THSD7B: variants seen among roughly 807,000 people sequenced by gnomAD.
THSD7B encodes the protein thrombospondin type-1 domain-containing protein 7B.
THSD7B carries 138 observed loss-of-function variants against 213.6 expected under a neutral mutation model. The ratio of observed to expected loss-of-function variants is 0.65; its 90% CI spans 0.56 to 0.74. THSD7B has a LOEUF of 0.74. Among genes scored for constraint, THSD7B ranks in the 30% least tolerant of loss-of-function variants. The probability of loss-of-function intolerance (pLI) is 0.00; values close to 1 mark genes in which losing one functional copy is unlikely to be tolerated. For synonymous variants in THSD7B, 742 were observed against 687.0 expected, an observed-to-expected ratio of 1.08 and a Z score of -1.25; for missense variants, 1,931 against 1,991.5, an observed-to-expected ratio of 0.97 and a Z score of 0.58.
intron 5 of THSD7B, among the ~76,000 whole-genome samples, chr2:137,152,991 G>A (rs1679847644): frequency 6.6e-6 from 1 of 152,106 alleles, no homozygotes; most frequent in African/African-American, 2.4e-5. Context: ...ATTTAGATCA[G>A]CTCTTGTTCT....
intron 2 of THSD7B, among the ~76,000 whole-genome samples, chr2:137,013,785 C>A (rs1013522787): frequency 3.7e-4 from 57 of 152,254 alleles, no homozygotes; most frequent in African/African-American, 1.3e-3. Flanking sequence ...GACCTGCCTC[C>A]TCTGGGGCAG....
intron 14 of THSD7B, among the ~76,000 whole-genome samples, chr2:137,439,551 A>G (rs1423884234): frequency 6.6e-6 from 1 of 152,116 alleles, no homozygotes; most frequent in African/African-American, 2.4e-5. Flanking sequence ...GGATTAGATA[A>G]TGCACAATCA....
chr2:136,780,354 T>A (rs1460716702), intron 1 of THSD7B, among the ~76,000 whole-genome samples: 1 of 152,154 alleles, frequency 6.6e-6, no homozygotes, highest in African/African-American at 2.4e-5. Context: ...TGTGCCCTCA[T>A]AGCCTAAGCA....
chr2:137,120,636 A>C (rs1295725284), intron 5 of THSD7B, among the ~76,000 whole-genome samples: 1 of 152,142 alleles, frequency 6.6e-6, no homozygotes, highest in Non-Finnish European at 1.5e-5. Context: ...GAACCTACAC[A>C]CTAAGGTAGA....
intron 3 of THSD7B, among the ~76,000 whole-genome samples, chr2:137,068,150 G>C (rs1687414842): frequency 6.6e-6 from 1 of 152,026 alleles, no homozygotes; most frequent in Admixed American, 6.6e-5. Flanking sequence ...ATGGATTTAA[G>C]AAGGGTTATT....
intron 14 of THSD7B, among the ~76,000 whole-genome samples, chr2:137,445,928 T>G (rs1442334800): frequency 6.6e-6 from 1 of 151,700 alleles, no homozygotes; most frequent in Non-Finnish European, 1.5e-5. Flanking sequence ...AAACATTAAA[T>G]AAACTTTAAA....
At chr2:137,485,703 CA>C (rs1173739015) in intron 15 of THSD7B, among the ~76,000 whole-genome samples, 1 of 152,026 alleles carries the variant, frequency 6.6e-6, no homozygotes, top group African/African-American at 2.4e-5. Flanking sequence ...TCAGATTCAC[CA>C]AAGTTGAAAT....
At chr2:137,644,295 G>A (rs1682990319) in intron 21 of THSD7B, among the ~76,000 whole-genome samples, 1 of 152,164 alleles carries the variant, frequency 6.6e-6, no homozygotes, top group East Asian at 1.9e-4. Context: ...CAATAAACAA[G>A]TCTATAGTTA....
At chr2:137,156,682 CT>C (rs1679916469) in intron 5 of THSD7B, among the ~76,000 whole-genome samples, 1 of 152,162 alleles carries the variant, frequency 6.6e-6, no homozygotes, top group South Asian at 2.1e-4. Flanking sequence ...ACACAGTGTC[CT>C]TGACAAACGC....
At chr2:136,961,374 C>G (rs1169565753) in intron 2 of THSD7B, among the ~76,000 whole-genome samples, 1 of 151,608 alleles carries the variant, frequency 6.6e-6, no homozygotes, top group Non-Finnish European at 1.5e-5. Context: ...GCACAACCAC[C>G]ATGCCCGGCT....
chr2:137,342,402 T>G (rs1443177052), intron 12 of THSD7B, among the ~76,000 whole-genome samples: 1 of 151,538 alleles, frequency 6.6e-6, no homozygotes, highest in Non-Finnish European at 1.5e-5. Flanking sequence ...GGGGTTTTTT[T>G]TTTGGTATAT....
intron 12 of THSD7B, among the ~76,000 whole-genome samples, chr2:137,392,343 G>A (rs1466208697): frequency 6.6e-6 from 1 of 152,092 alleles, no homozygotes; most frequent in Non-Finnish European, 1.5e-5. Context: ...CTGTGAGTAG[G>A]ATGTTTAAAT....
In THSD7B at chr2:137,309,513, A is replaced by T. The variant is rs1047065206; in HGVS notation, c.2500+33487A>T. On this transcript the variant is annotated intron_variant, in intron 12 of 27. Transcript: ENST00000409968. ...ATATATATAATTTTATTTATTTTTT[A>T]TTATTATTATACTTTAAGTTTTAGG... 8.3e-5 allele frequency among the ~76,000 whole-genome samples: 12 copies of T among 144,390 alleles called. No homozygotes were observed. In the East Asian group the frequency reaches 2.1e-3, roughly 25 times the overall value. The allele number at this position is 144,390 out of a possible 152,430, so 94.7% of individuals were successfully genotyped here.
chr2:137,405,491 C>T (rs1056069695), intron 12 of THSD7B, 122 bp from the exon 13 acceptor site: 4 of 819,334 alleles, frequency 4.9e-6, no homozygotes, highest in East Asian at 5.6e-5. Context: ...TGTTGAACAC[C>T]GTTTGCACCA....
chr2:137,404,752 G>A (rs967835204), intron 12 of THSD7B, among the ~76,000 whole-genome samples: 1 of 151,768 alleles, frequency 6.6e-6, no homozygotes, highest in African/African-American at 2.4e-5. Context: ...AAGTAACTCA[G>A]GAATGGAAAA....
intron 15 of THSD7B, among the ~76,000 whole-genome samples, chr2:137,502,820 T>A (rs1679741044): frequency 6.6e-6 from 1 of 152,180 alleles, no homozygotes; most frequent in South Asian, 2.1e-4. Flanking sequence ...GGTTTATAGT[T>A]TATAATGTTT....
intron 15 of THSD7B, among the ~76,000 whole-genome samples, chr2:137,543,457 C>CA (rs1304463265): frequency 6.6e-6 from 1 of 151,800 alleles, no homozygotes; most frequent in African/African-American, 2.4e-5. Flanking sequence ...ACCACTCCCT[C>CA]ATATCATATG....
At chr2:136,970,703 T>C (rs1685390922) in intron 2 of THSD7B, among the ~76,000 whole-genome samples, 1 of 152,104 alleles carries the variant, frequency 6.6e-6, no homozygotes, top group Admixed American at 6.5e-5. Context: ...CAAGGTCCAG[T>C]TTAGTAAATG....
intron 21 of THSD7B, among the ~76,000 whole-genome samples, chr2:137,647,522 C>T (rs1455768644): frequency 2.7e-5 from 4 of 146,004 alleles, no homozygotes; most frequent in Admixed American, 7.2e-5. Flanking sequence ...CACTTTTCTT[C>T]TTTGTCTTAG....
Sources: gnomAD v4.1 joint callset for allele counts (sites outside exome capture counted in the v4.1 genomes callset) on GRCh38, gnomAD v4.1.1 for gene constraint, MANE v1.5 for transcripts, NCBI Gene and HGNC (gene_info 2026-07-23, HGNC 2026-07-21) for gene names.